SLCO4C1: variants seen among roughly 807,000 people sequenced by gnomAD.
SLCO4C1 encodes solute carrier organic anion transporter family member 4C1.
In SLCO4C1, 58 loss-of-function variants were observed where a neutral mutation model predicts 72.1. The ratio of observed to expected loss-of-function variants is 0.80; its 90% CI spans 0.65 to 1.00. SLCO4C1 has a LOEUF of 1.00. Among genes scored for constraint, SLCO4C1 ranks in the 50% least tolerant of loss-of-function variants. SLCO4C1 has a pLI of 0.00. For synonymous variants in SLCO4C1, 297 were observed against 312.5 expected, an observed-to-expected ratio of 0.95 and a Z score of 0.52; for missense variants, 898 against 857.9, an observed-to-expected ratio of 1.05 and a Z score of -0.58.
intron 4 of SLCO4C1, among the ~76,000 whole-genome samples, chr5:102,263,169 C>T (rs1748972676): frequency 6.6e-6 from 1 of 152,124 alleles, no homozygotes; most frequent in African/African-American, 2.4e-5. Flanking sequence ...AATAAGTTAA[C>T]ACTCAAAACA....
chr5:102,236,643 C>A lies in SLCO4C1; in HGVS notation c.*215G>T. 1 of 431,574 alleles carries A rather than the reference C, an allele frequency of 2.3e-6. No individual in the cohort carries two copies. Among genetic ancestry groups the A allele is most frequent in the Non-Finnish European group, 4.2e-6 (1 of 240,468 alleles). 26.7% of individuals were successfully genotyped at this position (431,574 alleles called of 1,614,324 possible). A position where few individuals can be genotyped will look rare whatever the true frequency, so the allele number is the denominator to read the frequency against. Reference sequence around the variant, plus strand: ...GTGTGTGTGCTCGTGTGTGTGTGTGCTGTGTTTTGAGGCTTTACGTGGGCT... The same window carrying A: ...GTGTGTGTGCTCGTGTGTGTGTGTGATGTGTTTTGAGGCTTTACGTGGGCT... On this transcript the variant is annotated 3_prime_UTR_variant, in exon 13 of 13. Transcript: ENST00000310954.
chr5:102,257,875 C>A, intron 7 of SLCO4C1, 68 bp downstream of exon 7: 1 of 1,403,622 alleles, frequency 7.1e-7, no homozygotes, highest in East Asian at 2.5e-5. Flanking sequence ...TCAAATTATA[C>A]ACTATCCTCA....
chr5:102,263,377 T>G (rs1580252665), intron 4 of SLCO4C1, among the ~76,000 whole-genome samples: 1 of 152,286 alleles, frequency 6.6e-6, no homozygotes, highest in Non-Finnish European at 1.5e-5. Context: ...CTGCTAATTT[T>G]TATTGAATTC....
chr5:102,293,052 G>A (rs574008850), intron 1 of SLCO4C1, among the ~76,000 whole-genome samples: 31 of 151,906 alleles, frequency 2.0e-4, no homozygotes, highest in East Asian at 7.7e-4. Flanking sequence ...GATTAAGACC[G>A]TAGCTGAAAA....
At chr5:102,275,392 C>A (rs958685470) in intron 2 of SLCO4C1, among the ~76,000 whole-genome samples, 6 of 151,902 alleles carry the variant, frequency 3.9e-5, no homozygotes, top group Non-Finnish European at 8.8e-5. Flanking sequence ...AGTTGATGTA[C>A]CTAAGAAAGA....
chr5:102,240,460 A>G (rs1352737376), intron 11 of SLCO4C1, among the ~76,000 whole-genome samples: 1 of 152,160 alleles, frequency 6.6e-6, no homozygotes, highest in African/African-American at 2.4e-5. Context: ...ATCATATTTT[A>G]TATTTGAAAT....
At chr5:102,295,459 T>G (rs1749631548) in intron 1 of SLCO4C1, among the ~76,000 whole-genome samples, 1 of 152,154 alleles carries the variant, frequency 6.6e-6, no homozygotes, top group South Asian at 2.1e-4. Context: ...TTGTAAGGCA[T>G]CCCACTCCCA....
At chr5:102,270,313 A>C (rs1479182171) in intron 3 of SLCO4C1, among the ~76,000 whole-genome samples, 2 of 152,106 alleles carry the variant, frequency 1.3e-5, no homozygotes, top group East Asian at 3.9e-4. Context: ...ATTTGCCTCT[A>C]TGTCACTTGT....
At chr5:102,290,442 G>A (rs1006074115) in intron 2 of SLCO4C1, among the ~76,000 whole-genome samples, 1 of 152,122 alleles carries the variant, frequency 6.6e-6, no homozygotes, top group Non-Finnish European at 1.5e-5. Context: ...CCATCTCCAT[G>A]ACCCAAACAC....
At chr5:102,269,930 C>A (rs1268657330) in intron 3 of SLCO4C1, among the ~76,000 whole-genome samples, 1 of 151,668 alleles carries the variant, frequency 6.6e-6, no homozygotes, top group East Asian at 1.9e-4. Context: ...GTGGGCGCAG[C>A]AGTGTATTCT....
intron 2 of SLCO4C1, among the ~76,000 whole-genome samples, chr5:102,280,627 G>GA (rs1005615213): frequency 3.3e-5 from 5 of 151,948 alleles, no homozygotes; most frequent in African/African-American, 1.2e-4. Context: ...AATTTATAAA[G>GA]AAAAAAATTT....
intron 5 of SLCO4C1, among the ~76,000 whole-genome samples, chr5:102,261,378 C>T (rs1021268134): frequency 6.6e-6 from 1 of 151,744 alleles, no homozygotes; most frequent in African/African-American, 2.4e-5. Context: ...TGCCACTGCA[C>T]TCCAGTCTGG....
chr5:102,240,705 A>G lies in SLCO4C1; in HGVS notation c.1876+13T>C. The G allele has an allele frequency of 6.2e-7, 1 of 1,605,818 alleles. No individual in the cohort carries two copies. Among genetic ancestry groups the G allele is most frequent in the East Asian group, 2.2e-5 (1 of 44,680 alleles). ...AGCCAACAGTTAGCAATGAATAAAGAAAAATGGCATACCTAATAATCGAAG... is the reference window on the plus strand; with the variant it reads ...AGCCAACAGTTAGCAATGAATAAAGGAAAATGGCATACCTAATAATCGAAG... On this transcript the variant is annotated intron_variant, in intron 11 of 12. Coordinates refer to ENST00000310954, the MANE Select transcript of SLCO4C1 (RefSeq NM_180991.5).
intron 11 of SLCO4C1, 63 bp downstream of exon 11, chr5:102,240,655 A>C: frequency 7.3e-7 from 1 of 1,373,652 alleles, no homozygotes; most frequent in Non-Finnish European, 1.0e-6. Context: ...AAATTAAAAA[A>C]TAAATAACAC....
At chr5:102,286,253 A>T (rs1380867496) in intron 2 of SLCO4C1, among the ~76,000 whole-genome samples, 1 of 152,186 alleles carries the variant, frequency 6.6e-6, no homozygotes, top group Non-Finnish European at 1.5e-5. Flanking sequence ...GCAACGTAGG[A>T]AAAATTATCT....
chr5:102,240,287 A>G (rs1404116879), intron 11 of SLCO4C1, among the ~76,000 whole-genome samples: 7 of 152,114 alleles, frequency 4.6e-5, no homozygotes, highest in Non-Finnish European at 8.8e-5. Context: ...ACTTTATAAA[A>G]TTCTCTGGTA....
chr5:102,251,881 G>T (rs1010256231), intron 8 of SLCO4C1, among the ~76,000 whole-genome samples: 1 of 152,054 alleles, frequency 6.6e-6, no homozygotes, highest in Non-Finnish European at 1.5e-5. Context: ...CACCAATTAT[G>T]TGCTAGACTA....
At position 102,236,749 on chromosome 5, in the gene SLCO4C1, T is replaced by A. The variant is rs1176233458; in HGVS notation, c.*109A>T. ...ACATTTGATTATAAAAACATCAATT[T>A]TGTAAATATGATTGTCCATATTGGA... On this transcript the variant is annotated 3_prime_UTR_variant, in exon 13 of 13. Transcript: ENST00000310954. 8.4e-7 allele frequency: 1 copy of A among 1,191,418 alleles called. No individual in the cohort carries two copies. The highest frequency in any genetic ancestry group is 1.6e-5 in the African/African-American group (1 of 64,044). 73.8% of individuals were successfully genotyped at this position (1,191,418 alleles called of 1,614,324 possible). A position where few individuals can be genotyped will look rare whatever the true frequency, so the allele number is the denominator to read the frequency against.
chr5:102,249,865 T>G, intron 8 of SLCO4C1, 77 bp from the exon 9 acceptor site: 3 of 1,412,774 alleles, frequency 2.1e-6, no homozygotes, highest in Non-Finnish European at 2.9e-6. Flanking sequence ...CTGTTATATC[T>G]TACCATTAGG....
Sources: gnomAD v4.1 joint callset for allele counts (sites outside exome capture counted in the v4.1 genomes callset) on GRCh38, gnomAD v4.1.1 for gene constraint, MANE v1.5 for transcripts, NCBI Gene and HGNC (gene_info 2026-07-23, HGNC 2026-07-21) for gene names.